Variants in SUCO observed in about 807,000 individuals in gnomAD.
SUCO encodes SUN domain containing ossification factor, also known as SUN domain-containing ossification factor.
In SUCO, 57 loss-of-function variants were observed where a neutral mutation model predicts 148.1. The ratio of observed to expected loss-of-function variants is 0.38; its 90% CI spans 0.31 to 0.48. The LOEUF is 0.48. SUCO is among the 20% of genes least tolerant of loss of function. SUCO has a pLI of 0.96. For missense variants in SUCO, 1,331 were observed against 1,468.2 expected (o/e 0.91, Z 1.53); for synonymous variants, 470 against 502.7 (o/e 0.93, Z 0.87).
chr1:172,553,944 G>A (rs1486293720), intron 3 of SUCO, among the ~76,000 whole-genome samples: 1 of 152,072 alleles, frequency 6.6e-6, no homozygotes, highest in Non-Finnish European at 1.5e-5. Flanking sequence ...ATCAGTAATG[G>A]CTGAAGGTAC....
rs141388376 is a variant in SUCO, at chr1:172,567,384, A to G, written c.733-1635A>G. 6.5e-3 allele frequency among the ~76,000 whole-genome samples: 986 copies of G among 152,332 alleles called. 8 individuals carry two copies. The highest frequency in any genetic ancestry group is 8.7e-3 in the Non-Finnish European group (592 of 68,026). On this transcript the variant is annotated intron_variant, in intron 6 of 23. Transcript: ENST00000263688. Reference sequence around the variant, plus strand: ...GTTTAAGAGGAAAAAAAGTCACAAGATTGGATGCCCTTCCTCAGTATTCCT... The same window carrying G: ...GTTTAAGAGGAAAAAAAGTCACAAGGTTGGATGCCCTTCCTCAGTATTCCT...
chr1:172,608,830 T>C (rs1325259741), intron 23 of SUCO, 28 bp downstream of exon 23: 3 of 1,419,908 alleles, frequency 2.1e-6, no homozygotes, highest in Non-Finnish European at 2.9e-6. Flanking sequence ...TTTAAGTTTA[T>C]TGCTATGTTT....
chr1:172,575,617 T>C lies in SUCO; in HGVS notation c.1257T>C (p.Tyr419=), dbSNP rs1571240358. ...TAGATGAACAGATGTATGCAAAATA[T>C]GTCAAGGTAATGTTTACACATACAG... is the stretch of plus-strand genomic sequence containing the variant. The part of the protein sequence containing the change: ...FPLDEQMYAK[Y]VKMFIKYIKV... Residue 419 remains tyrosine, a synonymous_variant, in exon 11 of 24, where the codon TAT becomes TAC. Transcript: ENST00000263688. 6.2e-7 allele frequency: 1 copy of C among 1,602,248 alleles called. No individual in the cohort carries two copies. Among genetic ancestry groups the C allele is most frequent in the Non-Finnish European group, 8.5e-7 (1 of 1,169,954 alleles).
In SUCO at chr1:172,589,936, A is replaced by G; in HGVS notation, c.2825+10A>G. The G allele has an allele frequency of 6.6e-7, 1 of 1,513,096 alleles. No individual in the cohort carries two copies. Among genetic ancestry groups the G allele is most frequent in the South Asian group, 1.3e-5 (1 of 75,180 alleles). The allele number at this position is 1,513,096 out of a possible 1,614,324, so 93.7% of individuals were successfully genotyped here. A position where few individuals can be genotyped will look rare whatever the true frequency, so the allele number is the denominator to read the frequency against. ...AGGAGCTTAGCCAAAGGTAAGCTTT[A>G]TTATGAATTAGCACAGTCAGCTTCA... is the stretch of plus-strand genomic sequence containing the variant. On this transcript the variant is annotated intron_variant, in intron 18 of 23. Transcript: ENST00000263688.
chr1:172,579,455 A>G (rs1655708798), intron 15 of SUCO, among the ~76,000 whole-genome samples, 188 bp downstream of exon 15: 1 of 152,078 alleles, frequency 6.6e-6, no homozygotes, highest in South Asian at 2.1e-4. Flanking sequence ...AAGAGGAGAG[A>G]GACAAATGCA....
At chr1:172,558,276 T>TA (rs1317796096) in intron 6 of SUCO, among the ~76,000 whole-genome samples, 1 of 152,200 alleles carries the variant, frequency 6.6e-6, no homozygotes, top group Non-Finnish European at 1.5e-5. Flanking sequence ...GTGTGATTCT[T>TA]ATAATTAAGG....
intron 19 of SUCO, among the ~76,000 whole-genome samples, chr1:172,598,846 T>C (rs2149268166): frequency 6.6e-6 from 1 of 152,316 alleles, no homozygotes; most frequent in South Asian, 2.1e-4. Flanking sequence ...AAGTCACATT[T>C]AGCATTTTGG....
At chr1:172,552,636 A>G in intron 2 of SUCO, 1 of 981,872 alleles carries the variant, frequency 1.0e-6, no homozygotes, top group Non-Finnish European at 1.2e-6. Context: ...AATTTTGAAG[A>G]CTTGCCGCAT....
chr1:172,594,645 C>T (rs535422548), intron 19 of SUCO, among the ~76,000 whole-genome samples: 2 of 152,226 alleles, frequency 1.3e-5, no homozygotes, highest in East Asian at 3.9e-4. Context: ...GTCTGAGAGC[C>T]AGTTTGTTAT....
At chr1:172,591,115 C>A in intron 19 of SUCO, 44 bp downstream of exon 19, 2 of 1,458,814 alleles carry the variant, frequency 1.4e-6, no homozygotes, top group Non-Finnish European at 1.9e-6. Context: ...TAAATTTCCA[C>A]TGAATTCTGT....
At position 172,555,967 on chromosome 1, in the gene SUCO, T is replaced by C; in HGVS notation, c.387T>C (p.Thr129=). 6.2e-7 allele frequency: 1 copy of C among 1,613,600 alleles called. No homozygotes were observed. Among genetic ancestry groups the C allele is most frequent in the Non-Finnish European group, 8.5e-7 (1 of 1,179,770 alleles). ...ESSNAVVDSE[T]VENISSSSTS... ...CCAATGCAGTTGTGGACAGTGAAACTGTTGAAAATATTTCCAGCTCATCTA... is the reference window on the plus strand; with the variant it reads ...CCAATGCAGTTGTGGACAGTGAAACCGTTGAAAATATTTCCAGCTCATCTA... Residue 129 remains threonine (T), a synonymous_variant, in exon 4 of 24, where the codon ACT becomes ACC. Transcript: ENST00000263688.
At chr1:172,576,633 C>A (rs1307423550) in intron 11 of SUCO, among the ~76,000 whole-genome samples, 1 of 151,580 alleles carries the variant, frequency 6.6e-6, no homozygotes, top group Non-Finnish European at 1.5e-5. Context: ...CGTTAAAAAT[C>A]ATTTGCTAGG....
In SUCO at chr1:172,589,313, A is replaced by T; in HGVS notation, c.2212A>T (p.Thr738Ser). 6.2e-7 allele frequency: 1 copy of T among 1,613,400 alleles called. No homozygotes were observed. Among genetic ancestry groups the T allele is most frequent in the Non-Finnish European group, 8.5e-7 (1 of 1,179,710 alleles). ...TLSQSLLLDITPEINPLPKIE... is the reference protein window; with the variant it reads ...TLSQSLLLDISPEINPLPKIE... ...TTCTCAGTCTCTTCTTTTAGATATT[A>T]CCCCAGAAATCAATCCCTTGCCTAA... Residue 738 changes from threonine (T) to serine (S), a missense_variant, in exon 18 of 24, where the codon ACC becomes TCC. Thr to Ser is a moderately conservative substitution (Grantham distance 58, BLOSUM62 1). Around this residue, in one of 3 missense-constraint regions of SUCO, gnomAD observed 992 missense variants for 1,093.5 expected, o/e 0.91. Transcript: ENST00000263688.
In SUCO at chr1:172,553,272, G is replaced by A; in HGVS notation, c.190G>A (p.Gly64Arg). 1 of 1,585,522 alleles carries A rather than the reference G, an allele frequency of 6.3e-7. No homozygotes were observed. Among genetic ancestry groups the A allele is most frequent in the Admixed American group, 1.7e-5 (1 of 58,120 alleles). The change falls in exon 3 of 24, where the codon GGA becomes AGA. Residue 64 changes from glycine to arginine, a missense_variant. Physicochemically the swap from Gly to Arg is moderately radical, Grantham distance 125 (BLOSUM62 -2). This residue lies in a region of SUCO where 992 missense variants were observed against 1,093.5 expected (regional missense o/e 0.91). Coordinates refer to ENST00000263688, the MANE Select transcript of SUCO (RefSeq NM_014283.5). ...TGTTGTTATATAGGATGAAAGAGAGGGACCTATCAATGCCGAATCATTGGG... is the reference window on the plus strand; with the variant it reads ...TGTTGTTATATAGGATGAAAGAGAGAGACCTATCAATGCCGAATCATTGGG... ...VQFQKKDERE[G>R]PINAESLGKS...
intron 11 of SUCO, chr1:172,577,122 T>C: frequency 8.3e-6 from 3 of 361,436 alleles, no homozygotes; most frequent in African/African-American, 2.2e-5. Context: ...AATATATATG[T>C]ATATGTGCAT....
At position 172,589,805 on chromosome 1, in the gene SUCO, G is replaced by A; in HGVS notation, c.2704G>A (p.Gly902Arg). 1 of 1,611,448 alleles carries A rather than the reference G, an allele frequency of 6.2e-7. No individual in the cohort carries two copies. Among genetic ancestry groups the A allele is most frequent in the Non-Finnish European group, 8.5e-7 (1 of 1,179,168 alleles). ...TTCTACAGATCTAGGATATGCTAAT[G>A]GAAATCTTGTACATGGATCAAACCA... ...QNSTDLGYAN[G>R]NLVHGSNQKE... The change falls in exon 18 of 24, where the codon GGA becomes AGA. Residue 902 changes from glycine to arginine, a missense_variant. This residue lies in a region of SUCO where 992 missense variants were observed against 1,093.5 expected (regional missense o/e 0.91). Transcript: ENST00000263688.
chr1:172,578,657 C>A, intron 14 of SUCO: 2 of 626,168 alleles, frequency 3.2e-6, no homozygotes, highest in Non-Finnish European at 4.0e-6. Flanking sequence ...ATGATTATAT[C>A]CCTATGCCAG....
rs1210835279 is a variant in SUCO, at chr1:172,585,863, A to G, written c.1573A>G (p.Lys525Glu). The change falls in exon 17 of 24, where the codon AAA (lysine) becomes GAA (glutamate). Residue 525 changes from lysine to glutamate, a missense_variant. Transcript: ENST00000263688. ...AKTEDLTEGN[K>E]SISENATATA... ...GGGCATCTTTCTTAAAATAGGAAAT[A>G]AAAGTATATCTGAGAATGCCACTGC... 1.3e-6 allele frequency: 2 copies of G among 1,598,074 alleles called. No individual in the cohort carries two copies. The highest frequency in any genetic ancestry group is 2.2e-5 in the East Asian group (1 of 44,610).
intron 22 of SUCO, among the ~76,000 whole-genome samples, chr1:172,605,994 T>G (rs1323822239): frequency 1.3e-5 from 2 of 151,552 alleles, no homozygotes; most frequent in Non-Finnish European, 3.0e-5. Flanking sequence ...GTCATAGGTA[T>G]TCTATAAATT....
Sources: allele counts gnomAD v4.1 joint callset (sites outside exome capture counted in the v4.1 genomes callset), GRCh38; gene constraint gnomAD v4.1.1; regional missense constraint gnomAD v4.1.1; transcripts MANE v1.5; gene names NCBI Gene and HGNC (gene_info 2026-07-23, HGNC 2026-07-21).